LSAMP: variants seen among roughly 807,000 people sequenced by gnomAD.
LSAMP encodes the protein limbic system-associated membrane protein.
A neutral mutation model predicts 38.6 loss-of-function variants in LSAMP; 7 were observed. The observed-to-expected ratio is 0.18, with a 90% confidence interval of 0.10 to 0.34. LSAMP has a LOEUF of 0.34. Among genes scored for constraint, LSAMP ranks in the 10% least tolerant of loss-of-function variants. LSAMP has a pLI of 1.00. For synonymous variants in LSAMP, 154 were observed against 166.8 expected (o/e 0.92, Z 0.59); for missense variants, 313 against 420.0 (o/e 0.75, Z 2.23).
chr3:116,138,331 G>C (rs776975670), intron 1 of LSAMP, among the ~76,000 whole-genome samples: 1 of 151,994 alleles, frequency 6.6e-6, no homozygotes, highest in East Asian at 1.9e-4. Context: ...ATCCTCAACT[G>C]TTTCTCTCTC....
intron 1 of LSAMP, among the ~76,000 whole-genome samples, chr3:116,212,265 A>G (rs1161225882): frequency 6.6e-6 from 1 of 152,216 alleles, no homozygotes; most frequent in Admixed American, 6.5e-5. Context: ...GTGCCAAGTG[A>G]TTCAGGAGTA....
At position 116,303,755 on chromosome 3, in the gene LSAMP, C is replaced by T. The variant is rs72950123; in HGVS notation, c.155+141122G>A. ...AATAATCAGTACGTGCGGATTGGCA[C>T]GGGCATACTCGGAGCACAACAGATT... On this transcript the variant is annotated intron_variant, in intron 1 of 6. Coordinates refer to ENST00000490035, the MANE Select transcript of LSAMP (RefSeq NM_002338.5). 1.6e-3 allele frequency among the ~76,000 whole-genome samples: 239 copies of T among 152,242 alleles called. 1 individual carries two copies. Among genetic ancestry groups the T allele is most frequent in the African/African-American group, 5.4e-3 (225 of 41,560 alleles).
At chr3:115,821,423 G>A (rs1005295209) in intron 6 of LSAMP, among the ~76,000 whole-genome samples, 7 of 152,126 alleles carry the variant, frequency 4.6e-5, no homozygotes, top group Admixed American at 1.3e-4. Context: ...GAGTTCATTT[G>A]CATTCACATG....
At chr3:116,242,304 A>G (rs2107639323) in intron 1 of LSAMP, among the ~76,000 whole-genome samples, 1 of 152,380 alleles carries the variant, frequency 6.6e-6, no homozygotes, top group South Asian at 2.1e-4. Flanking sequence ...TAATCAGCTT[A>G]TTAAAAAGAA....
chr3:116,414,185 C>T (rs2049018259), intron 1 of LSAMP, among the ~76,000 whole-genome samples: 1 of 151,894 alleles, frequency 6.6e-6, no homozygotes, highest in African/African-American at 2.4e-5. Context: ...AATTTTATAC[C>T]TCATCTGGGG....
intron 1 of LSAMP, among the ~76,000 whole-genome samples, chr3:116,125,850 G>C (rs1479047615): frequency 6.6e-6 from 1 of 152,162 alleles, no homozygotes; most frequent in Non-Finnish European, 1.5e-5. Context: ...AAAGAGAAAA[G>C]ACAGTAAGGG....
At chr3:116,043,166 G>GT (rs1941212642) in intron 2 of LSAMP, among the ~76,000 whole-genome samples, 1 of 151,958 alleles carries the variant, frequency 6.6e-6, no homozygotes, top group African/African-American at 2.4e-5. Flanking sequence ...AAAATTGATG[G>GT]TTTTACTTAT....
At chr3:115,945,224 G>A (rs565376760) in intron 3 of LSAMP, among the ~76,000 whole-genome samples, 1 of 152,080 alleles carries the variant, frequency 6.6e-6, no homozygotes, top group African/African-American at 2.4e-5. Flanking sequence ...TTCAAATTAT[G>A]GCTTACATAC....
intron 1 of LSAMP, among the ~76,000 whole-genome samples, chr3:116,110,119 G>C (rs901281836): frequency 6.6e-6 from 1 of 151,902 alleles, no homozygotes; most frequent in African/African-American, 2.4e-5. Flanking sequence ...TGAAGGAGAA[G>C]GGGTTGAGGG....
chr3:116,207,233 C>G (rs1203363799), intron 1 of LSAMP, among the ~76,000 whole-genome samples: 1 of 152,010 alleles, frequency 6.6e-6, no homozygotes, highest in East Asian at 1.9e-4. Context: ...CAACCCCTGC[C>G]TTTTTCTGTT....
At chr3:116,039,191 T>C (rs951045241) in intron 2 of LSAMP, among the ~76,000 whole-genome samples, 1 of 152,260 alleles carries the variant, frequency 6.6e-6, no homozygotes, top group African/African-American at 2.4e-5. Context: ...TTGGAAATGA[T>C]TGAATTGAAT....
At chr3:116,087,577 G>A (rs1377207392) in intron 1 of LSAMP, among the ~76,000 whole-genome samples, 2 of 152,190 alleles carry the variant, frequency 1.3e-5, no homozygotes, top group Non-Finnish European at 2.9e-5. Flanking sequence ...TGCAAAGCCA[G>A]CTGCTCAACA....
rs771378601 is a variant in LSAMP at position 115,852,651 on chromosome 3, AAG to A, written c.515-36_515-35del. ...CAGAGGTTTTCATGATTCTTTTTTA[AAG>A]TCTGAAATAGGCAGTAGATCCTCTC... is the stretch of plus-strand genomic sequence containing the variant. On this transcript the variant is annotated intron_variant, in intron 3 of 6. Coordinates refer to ENST00000490035, the MANE Select transcript of LSAMP (RefSeq NM_002338.5). The A allele has an allele frequency of 1.9e-6, 3 of 1,595,344 alleles. No homozygotes were observed. In the East Asian group the frequency reaches 6.8e-5, roughly 36 times the overall value.
chr3:115,952,755 A>G (rs913375305), intron 3 of LSAMP, among the ~76,000 whole-genome samples: 1 of 152,184 alleles, frequency 6.6e-6, no homozygotes, highest in Admixed American at 6.5e-5. Flanking sequence ...CTTAGGCTCA[A>G]TAAGCTTGTA....
At chr3:116,275,289 G>A (rs1002452946) in intron 1 of LSAMP, among the ~76,000 whole-genome samples, 2 of 152,060 alleles carry the variant, frequency 1.3e-5, no homozygotes, top group Non-Finnish European at 1.5e-5. Flanking sequence ...CTAGGCTCAA[G>A]CAATCCTCCC....
At chr3:116,382,901 A>C (rs987708571) in intron 1 of LSAMP, among the ~76,000 whole-genome samples, 1 of 152,090 alleles carries the variant, frequency 6.6e-6, no homozygotes, top group Non-Finnish European at 1.5e-5. Flanking sequence ...GTAAACACAC[A>C]CAGAAGAACA....
chr3:116,010,706 C>T (rs1367996950), intron 3 of LSAMP, among the ~76,000 whole-genome samples: 1 of 152,150 alleles, frequency 6.6e-6, no homozygotes, highest in African/African-American at 2.4e-5. Context: ...TGAATTGGAC[C>T]TAGACAGAGA....
chr3:116,036,665 T>C (rs1941053736), intron 2 of LSAMP, among the ~76,000 whole-genome samples: 1 of 152,002 alleles, frequency 6.6e-6, no homozygotes, highest in Non-Finnish European at 1.5e-5. Flanking sequence ...ATAAAATGCA[T>C]AGTGTCAAAG....
intron 1 of LSAMP, among the ~76,000 whole-genome samples, chr3:116,102,037 A>AT (rs774574861): frequency 6.6e-6 from 1 of 152,094 alleles, no homozygotes; most frequent in African/African-American, 2.4e-5. Context: ...GAACTTTAAA[A>AT]TTTTTTCTTT....
Sources: allele counts gnomAD v4.1 joint callset (sites outside exome capture counted in the v4.1 genomes callset), GRCh38; gene constraint gnomAD v4.1.1; transcripts MANE v1.5; gene names NCBI Gene and HGNC (gene_info 2026-07-23, HGNC 2026-07-21).